The following KHDRBS2 variants were observed in gnomAD, a reference collection of about 807,000 sequenced individuals.
KHDRBS2 encodes the protein KH RNA binding domain containing, signal transduction associated 2.
A neutral mutation model predicts 44.3 loss-of-function variants in KHDRBS2; 26 were observed. The observed-to-expected ratio is 0.59, with a 90% CI of 0.43 to 0.81. The LOEUF is 0.81. KHDRBS2 is among the 40% of genes least tolerant of loss of function. The pLI, the probability that KHDRBS2 is intolerant of heterozygous loss-of-function variation, is 0.00. For missense variants in KHDRBS2, 476 were observed against 433.1 expected (o/e 1.10, Z -0.88); for synonymous variants, 194 against 151.1 (o/e 1.28, Z -2.08).
At chr6:61,641,967 A>G in the KHDRBS2 span, among the ~76,000 whole-genome samples, 9 of 152,158 alleles carry the variant, frequency 5.9e-5, no homozygotes, top group African/African-American at 2.2e-4. Flanking sequence ...CAATTCTACA[A>G]TTTTAGAGAT....
At chr6:62,127,578 T>C (rs1809269776) in intron 2 of KHDRBS2, among the ~76,000 whole-genome samples, 9 of 152,102 alleles carry the variant, frequency 5.9e-5, no homozygotes, top group Admixed American at 5.2e-4. Flanking sequence ...TTTTTTTTCT[T>C]ACATTTTATA....
At chr6:61,914,243 GA>G (rs924077792) in intron 4 of KHDRBS2, among the ~76,000 whole-genome samples, 8 of 149,828 alleles carry the variant, frequency 5.3e-5, no homozygotes, top group African/African-American at 1.5e-4. Flanking sequence ...GGCAAATAAT[GA>G]AAAAAAAATG....
At chr6:61,595,569 C>G in the KHDRBS2 span, among the ~76,000 whole-genome samples, 1 of 152,068 alleles carries the variant, frequency 6.6e-6, no homozygotes, top group African/African-American at 2.4e-5. Flanking sequence ...AAAATTATTT[C>G]TCTTATTTTA....
intron 3 of KHDRBS2, among the ~76,000 whole-genome samples, chr6:61,986,030 T>C (rs1031828466): frequency 1.3e-5 from 2 of 151,990 alleles, no homozygotes; most frequent in Admixed American, 6.6e-5. Flanking sequence ...AAAAAAAAAA[T>C]GAATTTTGGA....
intron 1 of KHDRBS2, among the ~76,000 whole-genome samples, chr6:62,212,334 TGA>T (rs529741464): frequency 1.4e-5 from 2 of 143,380 alleles, no homozygotes; most frequent in African/African-American, 2.6e-5. Context: ...AGAGAGAGAG[TGA>T]GAGAGAGAGA....
rs1416319110 is a variant in KHDRBS2 at position 62,277,985 on chromosome 6, A to T, written c.91+7873T>A. Among the ~76,000 whole-genome samples the T allele has an allele frequency of 3.9e-5, 6 of 152,190 alleles. No individual in the cohort carries two copies. In the East Asian group the frequency reaches 1.2e-3, roughly 29 times the overall value. ...ACTTGAGAAGATGAGGAAGCCATAT[A>T]ATATGGATATTTGCTAACATTAATG... On this transcript the variant is annotated intron_variant, in intron 1 of 8. Coordinates refer to ENST00000281156, the MANE Select transcript of KHDRBS2 (RefSeq NM_152688.4).
In KHDRBS2 at chr6:61,894,548, A is replaced by G. The variant is rs1050977160; in HGVS notation, c.810+87T>C. The G allele has an allele frequency of 6.7e-6, 7 of 1,047,176 alleles. No homozygotes were observed. In the African/African-American group the frequency reaches 9.6e-5, roughly 14 times the overall value. The allele number at this position is 1,047,176 out of a possible 1,614,324, so 64.9% of individuals were successfully genotyped here. On this transcript the variant is annotated intron_variant, in intron 6 of 8. Transcript: ENST00000281156. ...TTCTGCAACAAACATTACCTGCTAT[A>G]TTCACGGTATATGAACAGTTTGAGA... is the stretch of plus-strand genomic sequence containing the variant.
chr6:61,560,860 T>G, the KHDRBS2 span, among the ~76,000 whole-genome samples: 1 of 152,136 alleles, frequency 6.6e-6, no homozygotes, highest in African/African-American at 2.4e-5. Context: ...TCCTGGATGG[T>G]GTTGATGCTA....
At chr6:62,225,100 A>G (rs1283832390) in intron 1 of KHDRBS2, among the ~76,000 whole-genome samples, 2 of 152,142 alleles carry the variant, frequency 1.3e-5, no homozygotes, top group African/African-American at 4.8e-5. Flanking sequence ...TCTAGTGGGT[A>G]GAAGCCAGGC....
intron 1 of KHDRBS2, among the ~76,000 whole-genome samples, chr6:62,253,965 T>C (rs1032498960): frequency 6.6e-6 from 1 of 151,934 alleles, no homozygotes. Context: ...ATTAGCAGCA[T>C]GGGGAATAAC....
chr6:61,859,665 A>G (rs2127293897), intron 6 of KHDRBS2, among the ~76,000 whole-genome samples: 1 of 152,140 alleles, frequency 6.6e-6, no homozygotes, highest in Non-Finnish European at 1.5e-5. Context: ...CTCAGCTGGC[A>G]CTTCATTAAT....
chr6:61,845,502 G>T (rs1794271631), intron 6 of KHDRBS2, among the ~76,000 whole-genome samples: 1 of 152,112 alleles, frequency 6.6e-6, no homozygotes, highest in Non-Finnish European at 1.5e-5. Context: ...TAGAGACGGG[G>T]TTTCACCCAT....
chr6:62,064,250 T>C (rs1217431114), intron 2 of KHDRBS2, among the ~76,000 whole-genome samples: 15 of 146,920 alleles, frequency 1.0e-4, no homozygotes, highest in Non-Finnish European at 4.5e-5. Flanking sequence ...AAGCTACCAA[T>C]GACTTTCTTC....
intron 6 of KHDRBS2, among the ~76,000 whole-genome samples, chr6:61,818,266 T>TAAAA (rs60399147): frequency 4.4e-5 from 5 of 114,492 alleles, no homozygotes; most frequent in African/African-American, 9.4e-5. Flanking sequence ...CCTCTGTAAG[T>TAAAA]AAAAAAAAAA....
chr6:61,600,275 A>T, the KHDRBS2 span, among the ~76,000 whole-genome samples: 3 of 152,102 alleles, frequency 2.0e-5, no homozygotes, highest in Non-Finnish European at 4.4e-5. Context: ...GAAAAATCAC[A>T]AAAGAAGTGA....
chr6:62,211,233 T>G (rs1016046609), intron 1 of KHDRBS2, among the ~76,000 whole-genome samples: 10 of 152,044 alleles, frequency 6.6e-5, no homozygotes, highest in Admixed American at 5.9e-4. Flanking sequence ...CAGGATATTA[T>G]ATAAATAAAA....
At chr6:62,001,386 T>C (rs1279695679) in intron 3 of KHDRBS2, among the ~76,000 whole-genome samples, 1 of 151,740 alleles carries the variant, frequency 6.6e-6, no homozygotes, top group East Asian at 1.9e-4. Flanking sequence ...ATCATTCATT[T>C]TTTTTTTTTT....
At chr6:61,590,059 C>G in the KHDRBS2 span, among the ~76,000 whole-genome samples, 4 of 151,998 alleles carry the variant, frequency 2.6e-5, no homozygotes, top group Non-Finnish European at 4.4e-5. Flanking sequence ...AAATAGCAGC[C>G]AAATAGAAAC....
chr6:62,161,580 G>A (rs985989285), intron 2 of KHDRBS2, among the ~76,000 whole-genome samples: 4 of 128,020 alleles, frequency 3.1e-5, no homozygotes, highest in Admixed American at 7.8e-5. Context: ...TTGCGGGGGG[G>A]GGGGGGGTCC....
Sources: allele counts gnomAD v4.1 joint callset (sites outside exome capture counted in the v4.1 genomes callset), GRCh38; gene constraint gnomAD v4.1.1; transcripts MANE v1.5; gene names NCBI Gene and HGNC (gene_info 2026-07-23, HGNC 2026-07-21).